Variants in LUZP2 observed in about 807,000 individuals in gnomAD.
LUZP2 encodes leucine zipper protein 2.
In LUZP2, 52 loss-of-function variants were observed where a neutral mutation model predicts 51.6. The observed-to-expected ratio is 1.01, with a 90% CI of 0.81 to 1.27. The LOEUF (loss-of-function observed/expected upper bound fraction) is 1.27. Among genes scored for constraint, LUZP2 ranks in the 50% most tolerant of loss-of-function variants. The probability of loss-of-function intolerance (pLI) is 0.00; values close to 1 mark genes in which losing one functional copy is unlikely to be tolerated. For missense variants in LUZP2, 436 were observed against 395.4 expected (o/e 1.10, Z -0.87); for synonymous variants, 154 against 137.3 (o/e 1.12, Z -0.85).
intron 1 of LUZP2, among the ~76,000 whole-genome samples, chr11:24,597,324 A>T (rs1475785599): frequency 6.6e-6 from 1 of 152,210 alleles, no homozygotes; most frequent in Admixed American, 6.5e-5. Flanking sequence ...TCTCCTGCAC[A>T]GTAATGCACT....
chr11:24,813,610 C>A (rs911465986), intron 5 of LUZP2, among the ~76,000 whole-genome samples: 15 of 152,194 alleles, frequency 9.9e-5, no homozygotes, highest in African/African-American at 3.6e-4. Flanking sequence ...ATGGCCCAAG[C>A]CATTCATGAG....
At chr11:24,841,172 G>C (rs1484914214) in intron 5 of LUZP2, among the ~76,000 whole-genome samples, 1 of 151,878 alleles carries the variant, frequency 6.6e-6, no homozygotes, top group Non-Finnish European at 1.5e-5. Context: ...GTTAGGTCTA[G>C]GTGGAGTAGT....
At chr11:24,936,124 G>A (rs551815959) in intron 7 of LUZP2, among the ~76,000 whole-genome samples, 1 of 152,198 alleles carries the variant, frequency 6.6e-6, no homozygotes, top group African/African-American at 2.4e-5. Flanking sequence ...TGAATAGAAA[G>A]TTGCTACAAT....
intron 1 of LUZP2, among the ~76,000 whole-genome samples, chr11:24,606,946 T>C (rs1434667302): frequency 6.6e-6 from 1 of 152,094 alleles, no homozygotes; most frequent in African/African-American, 2.4e-5. Flanking sequence ...TATGTTTTCC[T>C]ACGAAAAATT....
intron 8 of LUZP2, among the ~76,000 whole-genome samples, chr11:24,982,265 C>G (rs1482857036): frequency 6.6e-6 from 1 of 151,784 alleles, no homozygotes; most frequent in East Asian, 1.9e-4. Context: ...TGGGTATACA[C>G]CAAGAGGAAT....
At chr11:24,673,497 T>C (rs2133854011) in intron 1 of LUZP2, among the ~76,000 whole-genome samples, 1 of 152,308 alleles carries the variant, frequency 6.6e-6, no homozygotes, top group Admixed American at 6.5e-5. Context: ...ATTTATACTT[T>C]GATTTGTTTC....
At chr11:24,920,705 C>A (rs1479494435) in intron 7 of LUZP2, among the ~76,000 whole-genome samples, 6 of 150,054 alleles carry the variant, frequency 4.0e-5, no homozygotes, top group East Asian at 1.9e-4. Flanking sequence ...AAAAAAAAAA[C>A]CTGCATGTTC....
chr11:25,033,319 T>A (rs1013531519), intron 9 of LUZP2, among the ~76,000 whole-genome samples: 16 of 152,220 alleles, frequency 1.1e-4, no homozygotes. Context: ...GTGCCCGGTA[T>A]GCTAAGGAAA....
chr11:25,014,705 G>C (rs1394222182), intron 9 of LUZP2, among the ~76,000 whole-genome samples: 1 of 152,136 alleles, frequency 6.6e-6, no homozygotes, highest in Non-Finnish European at 1.5e-5. Context: ...TAGGTTACCT[G>C]TTCACTCTGA....
intron 1 of LUZP2, among the ~76,000 whole-genome samples, chr11:24,577,329 TA>T (rs1336762265): frequency 3.3e-5 from 5 of 152,162 alleles, no homozygotes; most frequent in African/African-American, 9.6e-5. Flanking sequence ...TTATATATTT[TA>T]AAATGAACAG....
intron 7 of LUZP2, among the ~76,000 whole-genome samples, chr11:24,966,844 A>G (rs1283379120): frequency 6.8e-6 from 1 of 147,438 alleles, no homozygotes; most frequent in Non-Finnish European, 1.5e-5. Context: ...TACATTATAT[A>G]ATGGATATAT....
At chr11:24,687,563 T>C (rs1222476131) in intron 1 of LUZP2, among the ~76,000 whole-genome samples, 1 of 152,210 alleles carries the variant, frequency 6.6e-6, no homozygotes, top group African/African-American at 2.4e-5. Flanking sequence ...AGACAGAGTT[T>C]GAACTGGTGG....
At chr11:24,543,698 G>GT (rs1438109349) in intron 1 of LUZP2, among the ~76,000 whole-genome samples, 1 of 151,714 alleles carries the variant, frequency 6.6e-6, no homozygotes, top group African/African-American at 2.4e-5. Context: ...GTGCGTGACT[G>GT]TAATCCCAGC....
intron 7 of LUZP2, among the ~76,000 whole-genome samples, chr11:24,936,310 A>C (rs976326404): frequency 6.6e-6 from 1 of 152,172 alleles, no homozygotes; most frequent in Non-Finnish European, 1.5e-5. Context: ...TAAAGAAAAG[A>C]TTTATGGTAC....
intron 9 of LUZP2, among the ~76,000 whole-genome samples, chr11:25,024,259 C>A (rs1393992914): frequency 6.6e-6 from 1 of 152,052 alleles, no homozygotes; most frequent in Non-Finnish European, 1.5e-5. Flanking sequence ...CCCTCTCTCA[C>A]CACTCCTATT....
chr11:24,517,483 CAAAAAAAAAAAAAAAA>C (rs71041768), intron 1 of LUZP2, among the ~76,000 whole-genome samples: 1 of 44,144 alleles, frequency 2.3e-5, no homozygotes, highest in East Asian at 8.6e-4. Context: ...CAGACGCCGT[CAAAAAAAAAAAAAAAA>C]AAAAAAAAAA....
rs1402680422 is a variant in LUZP2, at chr11:24,997,210, GT to G, written c.765+13919del. Reference sequence around the variant, plus strand: ...AATCGCCACACTGACTTCCACAATGGTTGAACTAGTTGACAGTTCCACCAAC... The same window carrying G: ...AATCGCCACACTGACTTCCACAATGGTGAACTAGTTGACAGTTCCACCAAC... On this transcript the variant is annotated intron_variant, in intron 9 of 11. Transcript: ENST00000336930. 3.3e-5 allele frequency among the ~76,000 whole-genome samples: 5 copies of G among 151,426 alleles called. No homozygotes were observed. The East Asian group carries it at 9.8e-4, about 30-fold the overall frequency.
chr11:24,776,155 G>A (rs771085396), intron 5 of LUZP2, among the ~76,000 whole-genome samples: 2 of 152,094 alleles, frequency 1.3e-5, no homozygotes, highest in East Asian at 1.9e-4. Context: ...GGTAAGAAAG[G>A]ACTCTAATTA....
At chr11:25,073,857 A>G (rs1859228909) in intron 10 of LUZP2, among the ~76,000 whole-genome samples, 1 of 152,164 alleles carries the variant, frequency 6.6e-6, no homozygotes, top group African/African-American at 2.4e-5. Context: ...AAAAGGAACG[A>G]TCACTATTTG....
Sources: allele counts gnomAD v4.1 joint callset (sites outside exome capture counted in the v4.1 genomes callset), GRCh38; gene constraint gnomAD v4.1.1; transcripts MANE v1.5; gene names NCBI Gene and HGNC (gene_info 2026-07-23, HGNC 2026-07-21).